AGPAT3: variants seen among roughly 807,000 people sequenced by gnomAD.
AGPAT3 encodes 1-acyl-sn-glycerol-3-phosphate acyltransferase gamma.
In AGPAT3, 5 loss-of-function variants were observed where a neutral mutation model predicts 47.3. That is an observed-to-expected ratio of 0.11 (90% CI 0.06 to 0.22). The LOEUF (loss-of-function observed/expected upper bound fraction) is 0.22. AGPAT3 is among the 10% of genes least tolerant of loss of function. AGPAT3 has a pLI of 1.00. For missense variants in AGPAT3, 315 were observed against 493.0 expected, an observed-to-expected ratio of 0.64 and a Z score of 3.42; for synonymous variants, 212 against 208.3, an observed-to-expected ratio of 1.02 and a Z score of -0.15.
At chr21:43,899,002 C>T (rs549176884) in intron 1 of AGPAT3, among the ~76,000 whole-genome samples, 12 of 152,314 alleles carry the variant, frequency 7.9e-5, no homozygotes, top group Admixed American at 5.9e-4. Context: ...AGGCGTGAGC[C>T]ACTCTGCCCG....
intron 1 of AGPAT3, among the ~76,000 whole-genome samples, chr21:43,865,995 C>G (rs964998178): frequency 3.9e-5 from 6 of 152,082 alleles, no homozygotes; most frequent in African/African-American, 1.4e-4. Context: ...TGGGGTCAGT[C>G]CGGGGGCAAG....
In AGPAT3 at chr21:43,934,438, C is replaced by T. The variant is rs953536373; in HGVS notation, c.-48-25196C>T. ...TGCCTGGCCCTGGCCTGCGTGGCAGCGCAACCTCGTTGGTAGAGTCAGGAG... is the reference window on the plus strand; with the variant it reads ...TGCCTGGCCCTGGCCTGCGTGGCAGTGCAACCTCGTTGGTAGAGTCAGGAG... On this transcript the variant is annotated intron_variant, in intron 2 of 9. Coordinates refer to ENST00000291572, the MANE Select transcript of AGPAT3 (RefSeq NM_020132.5). The surrounding 1 kb of genome is among the most constrained non-coding windows in gnomAD (Gnocchi z 4.7). 3.3e-5 allele frequency among the ~76,000 whole-genome samples: 5 copies of T among 152,372 alleles called. No individual in the cohort carries two copies. Among genetic ancestry groups the T allele is most frequent in the South Asian group, 2.1e-4 (1 of 4,828 alleles).
In AGPAT3 at chr21:43,908,863, T is replaced by C. The variant is rs904433832; in HGVS notation, c.-49+4844T>C. ...AACCCTGTTGTTTGCATTTTTTGGATGAGGGTACAGGCTCAGGCTCAGCTC... is the reference window on the plus strand; with the variant it reads ...AACCCTGTTGTTTGCATTTTTTGGACGAGGGTACAGGCTCAGGCTCAGCTC... On this transcript the variant is annotated intron_variant, in intron 2 of 9. Coordinates refer to ENST00000291572, the MANE Select transcript of AGPAT3 (RefSeq NM_020132.5). The surrounding 1 kb of genome is among the most constrained non-coding windows in gnomAD (Gnocchi z 4.9). Among the ~76,000 whole-genome samples the C allele has an allele frequency of 2.0e-5, 3 of 152,110 alleles. No homozygotes were observed. Among genetic ancestry groups the C allele is most frequent in the African/African-American group, 7.2e-5 (3 of 41,426 alleles).
intron 2 of AGPAT3, among the ~76,000 whole-genome samples, chr21:43,904,853 C>T (rs1171028024): frequency 6.6e-6 from 1 of 152,194 alleles, no homozygotes; most frequent in Admixed American, 6.5e-5. Flanking sequence ...ATGCTGTCGG[C>T]AGAGATCAAA....
At chr21:43,900,855 G>T (rs989369455) in intron 1 of AGPAT3, among the ~76,000 whole-genome samples, 2 of 152,170 alleles carry the variant, frequency 1.3e-5, no homozygotes, top group African/African-American at 4.8e-5. Context: ...CTGGTTCTAG[G>T]TTGACTGCTC....
rs200326727 is a variant in AGPAT3, at chr21:43,969,080, G to A, written c.349-38G>A. On this transcript the variant is annotated intron_variant, in intron 4 of 9. Transcript: ENST00000291572. ...GCCAAGCCCCTGGCCTCTGTCCGAC[G>A]CTGAAGTGCCAGGTGCCCCTCCTTC... 580 of 1,609,840 alleles carry A rather than the reference G, an allele frequency of 3.6e-4. 3 individuals carry two copies. Among genetic ancestry groups the A allele is most frequent in the Admixed American group, 8.4e-4 (50 of 59,864 alleles).
chr21:43,918,385 C>G (rs577115133), intron 2 of AGPAT3, among the ~76,000 whole-genome samples: 2 of 152,122 alleles, frequency 1.3e-5, no homozygotes, highest in East Asian at 3.9e-4. Flanking sequence ...GTGAGCTTGC[C>G]CCATCGGCAG....
intron 2 of AGPAT3, among the ~76,000 whole-genome samples, chr21:43,956,678 C>G (rs2088481406): frequency 6.6e-6 from 1 of 152,180 alleles, no homozygotes; most frequent in Non-Finnish European, 1.5e-5. Context: ...TAGCTGGGTG[C>G]TGTGGGGTTG....
rs1452712944 is a variant in AGPAT3, at chr21:43,933,636, G to GA, written c.-48-25998_-48-25997insA. Among the ~76,000 whole-genome samples, 21 of 152,174 alleles carry GA rather than the reference G, an allele frequency of 1.4e-4. No individual in the cohort carries two copies. The highest frequency in any genetic ancestry group is 3.9e-4 in the Admixed American group (6 of 15,274). ...GAGGAAACTGAGGCACAGCTTGGAAGCGGTTGGCACTGGGGTTAGGCTCCA... is the reference window on the plus strand; with the variant it reads ...GAGGAAACTGAGGCACAGCTTGGAAGACGGTTGGCACTGGGGTTAGGCTCCA... On this transcript the variant is annotated intron_variant, in intron 2 of 9. Coordinates refer to ENST00000291572, the MANE Select transcript of AGPAT3 (RefSeq NM_020132.5). The surrounding 1 kb of genome is among the most constrained non-coding windows in gnomAD (Gnocchi z 6.0).
At chr21:43,890,558 G>T (rs2086080783) in intron 1 of AGPAT3, among the ~76,000 whole-genome samples, 3 of 151,436 alleles carry the variant, frequency 2.0e-5, no homozygotes, top group Middle Eastern at 3.4e-3. Flanking sequence ...GACCACAGGT[G>T]TGAGCCACCA....
chr21:43,883,696 C>T (rs1327899008), intron 1 of AGPAT3, among the ~76,000 whole-genome samples: 1 of 152,134 alleles, frequency 6.6e-6, no homozygotes, highest in Non-Finnish European at 1.5e-5. Flanking sequence ...TGGGTTCAAG[C>T]GATTCTCCTG....
rs2087277495 is a variant in AGPAT3, at chr21:43,932,300, C to T, written c.-48-27334C>T. Among the ~76,000 whole-genome samples the T allele has an allele frequency of 6.6e-6, 1 of 152,184 alleles. No homozygotes were observed. The highest frequency in any genetic ancestry group is 1.5e-5 in the Non-Finnish European group (1 of 68,030). On this transcript the variant is annotated intron_variant, in intron 2 of 9. Coordinates refer to ENST00000291572, the MANE Select transcript of AGPAT3 (RefSeq NM_020132.5). The surrounding 1 kb of genome is among the most constrained non-coding windows in gnomAD (Gnocchi z 5.2). ...CCCAGCCCCTGGTAACCACCGTGCT[C>T]CTCCCAGTTCTGGTGAGACCTCCGT...
At chr21:43,892,983 C>T (rs985666649) in intron 1 of AGPAT3, among the ~76,000 whole-genome samples, 1 of 152,180 alleles carries the variant, frequency 6.6e-6, no homozygotes, top group Admixed American at 6.5e-5. Flanking sequence ...TCATCTCAGC[C>T]TCTTGGGAAG....
intron 1 of AGPAT3, among the ~76,000 whole-genome samples, chr21:43,870,599 T>C (rs1350804086): frequency 6.6e-6 from 1 of 151,012 alleles, no homozygotes; most frequent in East Asian, 1.9e-4. Context: ...GGCGCATGCA[T>C]AGGTCCCAGC....
intron 7 of AGPAT3, among the ~76,000 whole-genome samples, chr21:43,976,595 A>T (rs929399523): frequency 6.6e-6 from 1 of 152,272 alleles, no homozygotes; most frequent in Non-Finnish European, 1.5e-5. Context: ...GAGTACATTC[A>T]CGTTCTAAGA....
rs1315741355 is a variant in AGPAT3 at position 43,933,358 on chromosome 21, C to T, written c.-48-26276C>T. 6.6e-6 allele frequency among the ~76,000 whole-genome samples: 1 copy of T among 152,150 alleles called. No homozygotes were observed. Among genetic ancestry groups the T allele is most frequent in the Non-Finnish European group, 1.5e-5 (1 of 68,022 alleles). ...GGGTCGTCTCTTTACCCTGTCGTTC[C>T]CTTTGTCATGCAGAAGCTGTTTAGT... On this transcript the variant is annotated intron_variant, in intron 2 of 9. Coordinates refer to ENST00000291572, the MANE Select transcript of AGPAT3 (RefSeq NM_020132.5). This position sits in a 1 kb window ranked among gnomAD's most constrained non-coding sequence, Gnocchi z 6.0.
chr21:43,961,836 G>C (rs115168529), intron 3 of AGPAT3, among the ~76,000 whole-genome samples: 1 of 152,070 alleles, frequency 6.6e-6, no homozygotes, highest in Non-Finnish European at 1.5e-5. Flanking sequence ...TTGTCTGCAC[G>C]ATCTCCTTCC....
At chr21:43,902,256 G>A (rs887617074) in intron 1 of AGPAT3, among the ~76,000 whole-genome samples, 1 of 152,108 alleles carries the variant, frequency 6.6e-6, no homozygotes, top group Non-Finnish European at 1.5e-5. Flanking sequence ...TTCAAATATC[G>A]AAAGACAATA....
In AGPAT3 at chr21:43,977,606, A is replaced by G. The variant is rs539727011; in HGVS notation, c.768-440A>G. The stretch of plus-strand genomic sequence containing the variant: ...AAATTGAGAGTGAGAGGCTGGGCGC[A>G]GTGGCTCACGCCTGTAATCCCAGCA... On this transcript the variant is annotated intron_variant, in intron 7 of 9. Coordinates refer to ENST00000291572, the MANE Select transcript of AGPAT3 (RefSeq NM_020132.5). 4.6e-5 allele frequency among the ~76,000 whole-genome samples: 7 copies of G among 152,354 alleles called. No individual in the cohort carries two copies. In the East Asian group the frequency reaches 1.2e-3, roughly 25 times the overall value.
Sources: gnomAD v4.1 joint callset for allele counts (sites outside exome capture counted in the v4.1 genomes callset) on GRCh38, gnomAD v4.1.1 for gene constraint, Gnocchi (gnomAD v3.1) non-coding constraint, MANE v1.5 for transcripts, NCBI Gene and HGNC (gene_info 2026-07-23, HGNC 2026-07-21) for gene names.